The following GLYR1 variants were observed in gnomAD, a reference collection of about 807,000 sequenced individuals.
GLYR1 encodes the protein cytokine-like nuclear factor N-PAC.
GLYR1 carries 21 observed loss-of-function variants against 72.7 expected under a neutral mutation model. That is an observed-to-expected ratio of 0.29 (90% CI 0.20 to 0.42). The LOEUF (loss-of-function observed/expected upper bound fraction) is 0.42. Among genes scored for constraint, GLYR1 ranks in the 10% least tolerant of loss-of-function variants. The pLI is 1.00. For synonymous variants in GLYR1, 392 were observed against 270.2 expected (o/e 1.45, Z -4.42); for missense variants, 594 against 712.1 (o/e 0.83, Z 1.89).
intron 15 of GLYR1, 87 bp from the exon 16 acceptor site, chr16:4,805,397 G>A (rs2082908798): frequency 1.7e-6 from 2 of 1,147,220 alleles, no homozygotes; most frequent in East Asian, 4.8e-5. Flanking sequence ...GGTGGATGTG[G>A]CCAGCAGGCA....
At chr16:4,821,728 C>A in intron 7 of GLYR1, 131 bp from the exon 8 acceptor site, 1 of 781,436 alleles carries the variant, frequency 1.3e-6, no homozygotes, top group Middle Eastern at 3.6e-4. Flanking sequence ...TTAGTGAACT[C>A]CAAATTTTAC....
chr16:4,827,588 A>C (rs567622399), intron 5 of GLYR1, among the ~76,000 whole-genome samples: 13 of 135,738 alleles, frequency 9.6e-5, no homozygotes, highest in South Asian at 7.5e-4. Context: ...TGCACTTAAA[A>C]AAACAAACAA....
Position 4,845,168 on chromosome 16 carries a change from G to T in GLYR1, c.76-15C>A, listed in dbSNP as rs769566380. On this transcript the variant is annotated splice_polypyrimidine_tract_variant and intron_variant, in intron 2 of 15. Transcript: ENST00000321919. ...GGATTAACAATCTGGAGGATAAAAG[G>T]GGGGAAAAAGGTTGGCTGGCAACAC... The T allele has an allele frequency of 6.2e-6, 10 of 1,605,600 alleles. No homozygotes were observed. The highest frequency in any genetic ancestry group is 3.3e-5 in the Admixed American group (2 of 59,976).
chr16:4,823,978 G>C, intron 5 of GLYR1, 71 bp from the exon 6 acceptor site: 1 of 1,268,306 alleles, frequency 7.9e-7, no homozygotes, highest in South Asian at 1.2e-5. Flanking sequence ...AAGCTCCACA[G>C]TCTAAGGGAA....
intron 3 of GLYR1, chr16:4,833,122 T>C (rs1026014207): frequency 3.6e-5 from 15 of 419,552 alleles, no homozygotes; most frequent in Non-Finnish European, 5.9e-5. Flanking sequence ...AGAACAACCA[T>C]CACCACCACT....
At position 4,804,886 on chromosome 16, in the gene GLYR1, A is replaced by T; in HGVS notation, c.*350T>A. 3.4e-6 allele frequency: 1 copy of T among 296,330 alleles called. No individual in the cohort carries two copies. Among genetic ancestry groups the T allele is most frequent in the Non-Finnish European group, 6.5e-6 (1 of 153,834 alleles). 18.4% of individuals were successfully genotyped at this position (296,330 alleles called of 1,614,324 possible). A position where few individuals can be genotyped will look rare whatever the true frequency, so the allele number is the denominator to read the frequency against. ...GAGATAAGACAAGCTCGGAAGAAAA[A>T]AAGCCAGGCAGCAGTTTCTGGGCAG... On this transcript the variant is annotated 3_prime_UTR_variant, in exon 16 of 16. Transcript: ENST00000321919.
At chr16:4,810,732 A>AAAAAAAAAG (rs2083279321) in intron 15 of GLYR1, among the ~76,000 whole-genome samples, 1 of 142,106 alleles carries the variant, frequency 7.0e-6, no homozygotes, top group Non-Finnish European at 1.5e-5. Context: ...AAAAAAAAAA[A>AAAAAAAAAG]ATTAGCCGGG....
At chr16:4,846,854 G>A in intron 1 of GLYR1, 1 of 329,936 alleles carries the variant, frequency 3.0e-6, no homozygotes, top group Non-Finnish European at 5.6e-6. Context: ...GCCAGATCTC[G>A]CAGGTCCGGT....
intron 15 of GLYR1, among the ~76,000 whole-genome samples, chr16:4,809,188 G>GTTTTTT (rs1263215689): frequency 2.1e-5 from 2 of 95,244 alleles, no homozygotes; most frequent in African/African-American, 4.2e-5. Flanking sequence ...AGCAGCTTTC[G>GTTTTTT]TTTTTTTTTT....
intron 2 of GLYR1, 135 bp downstream of exon 2, chr16:4,846,039 G>T (rs772193866): frequency 1.1e-6 from 1 of 889,982 alleles, no homozygotes; most frequent in Non-Finnish European, 1.9e-6. Flanking sequence ...CCGATACTAG[G>T]GGAAAAAAAA....
chr16:4,814,582 G>A lies in GLYR1; in HGVS notation c.972C>T (p.Cys324=), dbSNP rs775989603. Residue 324 remains cysteine, a synonymous_variant, in exon 11 of 16, where the codon TGC becomes TGT. Transcript: ENST00000321919. The part of the protein sequence containing the change: ...GRTPAEVVST[C]DITFACVSDP... ...CCGACACGCAGGCGAAAGTGATGTCGCAGGTTGAGACGACTTCAGCGGGGG... is the reference window on the plus strand; with the variant it reads ...CCGACACGCAGGCGAAAGTGATGTCACAGGTTGAGACGACTTCAGCGGGGG... The A allele has an allele frequency of 3.1e-6, 5 of 1,614,114 alleles. No homozygotes were observed. The highest frequency in any genetic ancestry group is 4.2e-6 in the Non-Finnish European group (5 of 1,180,020).
rs2083993578 is a variant in GLYR1, at chr16:4,821,113, C to G, written c.806+267G>C. 1.1e-5 allele frequency: 6 copies of G among 543,696 alleles called. 1 individual carries two copies. In the East Asian group the frequency reaches 1.2e-4, roughly 11 times the overall value. The allele number at this position is 543,696 out of a possible 1,614,324, so 33.7% of individuals were successfully genotyped here. Reference sequence around the variant, plus strand: ...AGGTGACTGTCAGGCACAGGAAAGTCTGAGAACCACTGAGCCAAGTGCTCC... The same window carrying G: ...AGGTGACTGTCAGGCACAGGAAAGTGTGAGAACCACTGAGCCAAGTGCTCC... On this transcript the variant is annotated intron_variant, in intron 9 of 15. Transcript: ENST00000321919.
chr16:4,813,589 C>T (rs147186769), intron 12 of GLYR1, 148 bp downstream of exon 12: 7 of 678,092 alleles, frequency 1.0e-5, no homozygotes, highest in Admixed American at 2.3e-5. Flanking sequence ...AGGTGGAGCA[C>T]GGGATAGGCT....
In GLYR1 at chr16:4,814,635, T is replaced by C; in HGVS notation, c.919A>G (p.Ile307Val). Residue 307 changes from isoleucine (I) to valine (V), a missense_variant, in exon 11 of 16, where the codon ATC becomes GTC. Ile to Val is a conservative substitution (Grantham distance 29, BLOSUM62 3). This residue lies in a region of GLYR1 where 266 missense variants were observed against 358.4 expected (regional missense o/e 0.74). Transcript: ENST00000321919. ...CTTCCCAGACGGGCCCCCTCCTGGA[T>C]GAACAAATCACACTGCAAAAGTCAC... ...NRTAEKCDLFIQEGARLGRTP... is the reference protein window; with the variant it reads ...NRTAEKCDLFVQEGARLGRTP... 6.2e-7 allele frequency: 1 copy of C among 1,613,662 alleles called. No individual in the cohort carries two copies. Among genetic ancestry groups the C allele is most frequent in the Non-Finnish European group, 8.5e-7 (1 of 1,179,590 alleles).
intron 4 of GLYR1, 162 bp from the exon 5 acceptor site, chr16:4,832,383 G>C: frequency 1.2e-6 from 1 of 839,974 alleles, no homozygotes; most frequent in Non-Finnish European, 1.8e-6. Flanking sequence ...GGGAGAAGCA[G>C]ATTTAAAAAA....
intron 7 of GLYR1, 99 bp downstream of exon 7, chr16:4,822,776 G>T: frequency 1.0e-6 from 1 of 989,092 alleles, no homozygotes; most frequent in Non-Finnish European, 1.6e-6. Context: ...CAATACACCG[G>T]CAGAGCCTAA....
intron 15 of GLYR1, among the ~76,000 whole-genome samples, chr16:4,809,902 C>T (rs1287328696): frequency 1.3e-5 from 2 of 150,732 alleles, no homozygotes; most frequent in African/African-American, 2.4e-5. Context: ...CCAGCCTGGG[C>T]GAAAGAGCAA....
At chr16:4,814,159 G>C (rs2083485245) in intron 11 of GLYR1, among the ~76,000 whole-genome samples, 1 of 151,768 alleles carries the variant, frequency 6.6e-6, no homozygotes, top group Non-Finnish European at 1.5e-5. Context: ...CTAGTCACCA[G>C]TTTAATAAGA....
At chr16:4,814,401 G>A (rs1429960885) in intron 11 of GLYR1, 136 bp downstream of exon 11, 2 of 695,864 alleles carry the variant, frequency 2.9e-6, no homozygotes, top group Admixed American at 2.2e-5. Flanking sequence ...CCTTCACAAT[G>A]GGAGATGGCC....
Sources: allele counts gnomAD v4.1 joint callset (sites outside exome capture counted in the v4.1 genomes callset), GRCh38; gene constraint gnomAD v4.1.1; regional missense constraint gnomAD v4.1.1; transcripts MANE v1.5; gene names NCBI Gene and HGNC (gene_info 2026-07-23, HGNC 2026-07-21).